SNTG1: variants seen among roughly 807,000 people sequenced by gnomAD.
The protein encoded by SNTG1 is gamma-1-syntrophin.
Under a neutral mutation model 74.7 loss-of-function variants are expected in SNTG1, and 39 were observed. The ratio of observed to expected loss-of-function variants is 0.52; its 90% confidence interval spans 0.40 to 0.68. The LOEUF (loss-of-function observed/expected upper bound fraction) is 0.68. Ranked by LOEUF, SNTG1 falls within the 30% of genes least tolerant of loss-of-function variation. The pLI is 0.00. For missense variants in SNTG1, 685 were observed against 609.5 expected, an observed-to-expected ratio of 1.12 and a Z score of -1.30; for synonymous variants, 254 against 217.1, an observed-to-expected ratio of 1.17 and a Z score of -1.49.
rs2082846567 is a variant in SNTG1, at chr8:50,172,605, A to G, written c.-58A>G. On this transcript the variant is annotated 5_prime_UTR_variant, in exon 2 of 19. Coordinates refer to ENST00000642720, the MANE Select transcript of SNTG1 (RefSeq NM_018967.5). The stretch of plus-strand genomic sequence containing the variant: ...AGATTGCCCGAGAAGTGACCCCAGC[A>G]AAAGAAAAATATTGCTGTACCTAAA... 6.6e-6 allele frequency: 1 copy of G among 152,108 alleles called. No homozygotes were observed. The allele number at this position is 152,108 out of a possible 1,614,324, so 9.4% of individuals were successfully genotyped here. A position where few individuals can be genotyped will look rare whatever the true frequency, so the allele number is the denominator to read the frequency against.
At chr8:50,326,732 T>C (rs553523243) in intron 2 of SNTG1, among the ~76,000 whole-genome samples, 10 of 151,956 alleles carry the variant, frequency 6.6e-5, no homozygotes, top group East Asian at 5.8e-4. Flanking sequence ...TCCAGTTACA[T>C]TGAATTTCAT....
chr8:50,312,066 T>A (rs984823189), intron 2 of SNTG1, among the ~76,000 whole-genome samples: 2 of 118,264 alleles, frequency 1.7e-5, no homozygotes, highest in Non-Finnish European at 3.9e-5. Flanking sequence ...TGTTTTTGTA[T>A]GTTTTTAAAA....
intron 2 of SNTG1, among the ~76,000 whole-genome samples, chr8:50,312,595 TA>T (rs1374879031): frequency 6.7e-6 from 1 of 149,784 alleles, no homozygotes; most frequent in Non-Finnish European, 1.5e-5. Context: ...GGGTTTGGGT[TA>T]AAAAGTTCTA....
intron 2 of SNTG1, among the ~76,000 whole-genome samples, chr8:50,339,506 G>A (rs185890167): frequency 4.8e-4 from 73 of 152,028 alleles, no homozygotes; most frequent in African/African-American, 1.7e-3. Flanking sequence ...TAAGAGATAA[G>A]GAAGGTGAGG....
At chr8:50,442,671 G>T (rs1477022996) in intron 5 of SNTG1, among the ~76,000 whole-genome samples, 13 of 60,648 alleles carry the variant, frequency 2.1e-4, no homozygotes, top group South Asian at 6.5e-4. Flanking sequence ...GTATTAATTT[G>T]TCTATCAGTA....
At chr8:50,561,344 T>C (rs982669685) in intron 12 of SNTG1, among the ~76,000 whole-genome samples, 1 of 152,070 alleles carries the variant, frequency 6.6e-6, no homozygotes, top group Admixed American at 6.6e-5. Flanking sequence ...TTACTGAGTG[T>C]CAGGTATTTC....
intron 2 of SNTG1, among the ~76,000 whole-genome samples, chr8:50,219,271 T>C (rs1181329395): frequency 6.6e-6 from 1 of 152,116 alleles, no homozygotes; most frequent in Admixed American, 6.6e-5. Flanking sequence ...TGGTGACCCT[T>C]CCTAGTTATC....
At chr8:50,638,705 C>T (rs979311191) in intron 13 of SNTG1, among the ~76,000 whole-genome samples, 7 of 152,170 alleles carry the variant, frequency 4.6e-5, no homozygotes, top group Non-Finnish European at 8.8e-5. Context: ...CTAGAGGAGG[C>T]GGTGTGTCTC....
At chr8:49,937,704 T>A (rs368583674) in intron 1 of SNTG1, among the ~76,000 whole-genome samples, 24 of 152,274 alleles carry the variant, frequency 1.6e-4, no homozygotes, top group South Asian at 6.2e-4. Flanking sequence ...CAACAACTAA[T>A]GACAAGGGAA....
At chr8:50,312,246 C>G (rs1351193646) in intron 2 of SNTG1, among the ~76,000 whole-genome samples, 1 of 151,990 alleles carries the variant, frequency 6.6e-6, no homozygotes, top group Non-Finnish European at 1.5e-5. Context: ...ATTAAACCAA[C>G]AAATGCTTTT....
At chr8:49,969,385 A>ATATTTTT (rs1811434626) in intron 1 of SNTG1, among the ~76,000 whole-genome samples, 1 of 116,628 alleles carries the variant, frequency 8.6e-6, no homozygotes, top group Non-Finnish European at 1.7e-5. Context: ...AATTCATTTA[A>ATATTTTT]TCTTTTTTTT....
chr8:49,938,597 C>CTT (rs755805948), intron 1 of SNTG1, among the ~76,000 whole-genome samples: 584 of 32,482 alleles, frequency 0.018, 18 homozygotes, highest in African/African-American at 0.052. Context: ...CTTTTCTTTT[C>CTT]TTTTCTTTTC....
intron 13 of SNTG1, 83 bp downstream of exon 13, chr8:50,591,000 T>C: frequency 1.1e-6 from 1 of 944,874 alleles, no homozygotes; most frequent in Non-Finnish European, 1.5e-6. Flanking sequence ...ACCTGATTTC[T>C]AGACAGAAAT....
chr8:50,324,411 A>T (rs1311207337), intron 2 of SNTG1, among the ~76,000 whole-genome samples: 1 of 152,164 alleles, frequency 6.6e-6, no homozygotes, highest in East Asian at 1.9e-4. Context: ...TTTCCATAAT[A>T]TAAAGTTTAA....
chr8:50,417,226 C>T (rs962043347), intron 4 of SNTG1, among the ~76,000 whole-genome samples: 1 of 152,044 alleles, frequency 6.6e-6, no homozygotes, highest in African/African-American at 2.4e-5. Flanking sequence ...AACATCTCTG[C>T]GATAAGGAGC....
intron 2 of SNTG1, among the ~76,000 whole-genome samples, chr8:50,338,419 A>G (rs2130921151): frequency 6.6e-6 from 1 of 152,296 alleles, no homozygotes; most frequent in East Asian, 1.9e-4. Flanking sequence ...TACAGTGTGA[A>G]GAGAAAAAAC....
intron 1 of SNTG1, among the ~76,000 whole-genome samples, chr8:50,114,768 G>A (rs1476519112): frequency 1.3e-5 from 2 of 152,294 alleles, no homozygotes; most frequent in South Asian, 4.1e-4. Flanking sequence ...TGGAGGCTGA[G>A]GCAGGAGAAT....
intron 2 of SNTG1, among the ~76,000 whole-genome samples, chr8:50,230,422 A>G (rs938248815): frequency 5.9e-5 from 9 of 151,370 alleles, no homozygotes; most frequent in African/African-American, 1.9e-4. Context: ...GTAATACTAT[A>G]TGTATAGCTT....
At chr8:50,644,769 A>G (rs1309717114) in intron 13 of SNTG1, among the ~76,000 whole-genome samples, 3 of 152,166 alleles carry the variant, frequency 2.0e-5, no homozygotes, top group Non-Finnish European at 4.4e-5. Context: ...CTTGACATTA[A>G]TTCTTGAGTT....
Sources: gnomAD v4.1 joint callset for allele counts (sites outside exome capture counted in the v4.1 genomes callset) on GRCh38, gnomAD v4.1.1 for gene constraint, MANE v1.5 for transcripts, NCBI Gene and HGNC (gene_info 2026-07-23, HGNC 2026-07-21) for gene names.